The following SDCCAG8 variants were observed in gnomAD, a reference collection of about 807,000 sequenced individuals.
The protein encoded by SDCCAG8 is serologically defined colon cancer antigen 8.
SDCCAG8 carries 74 observed loss-of-function variants against 101.8 expected under a neutral mutation model. The observed-to-expected ratio is 0.73, with a 90% CI of 0.60 to 0.88. SDCCAG8 has a LOEUF of 0.88. Among genes scored for constraint, SDCCAG8 ranks in the 40% least tolerant of loss-of-function variants. The pLI, the probability that SDCCAG8 is intolerant of heterozygous loss-of-function variation, is 0.00. For synonymous variants in SDCCAG8, 281 were observed against 292.9 expected (o/e 0.96, Z 0.41); for missense variants, 787 against 822.6 (o/e 0.96, Z 0.53).
intron 16 of SDCCAG8, among the ~76,000 whole-genome samples, chr1:243,459,528 A>G (rs1658607111): frequency 6.6e-6 from 1 of 152,156 alleles, no homozygotes; most frequent in Admixed American, 6.5e-5. Context: ...GGTGGAAATA[A>G]TTGTACCTAA....
intron 7 of SDCCAG8, chr1:243,307,317 T>C: frequency 1.4e-6 from 1 of 693,278 alleles, no homozygotes; most frequent in East Asian, 1.4e-4. Context: ...GCAGCCTGTA[T>C]GTTTCCAGCT....
chr1:243,335,563 T>C (rs944534618), intron 10 of SDCCAG8, among the ~76,000 whole-genome samples: 1 of 152,222 alleles, frequency 6.6e-6, no homozygotes, highest in Non-Finnish European at 1.5e-5. Context: ...ACCTCTCTTT[T>C]ACTGACAGTT....
intron 13 of SDCCAG8, among the ~76,000 whole-genome samples, chr1:243,410,571 T>G (rs2080102270): frequency 6.6e-6 from 1 of 152,168 alleles, no homozygotes; most frequent in East Asian, 1.9e-4. Context: ...AAAAGGTGAG[T>G]AGGAACATGG....
intron 16 of SDCCAG8, among the ~76,000 whole-genome samples, chr1:243,466,395 A>G (rs1038718839): frequency 6.6e-6 from 1 of 152,174 alleles, no homozygotes; most frequent in Non-Finnish European, 1.5e-5. Context: ...TGCCTCTGAG[A>G]TTCACTAGAG....
intron 4 of SDCCAG8, among the ~76,000 whole-genome samples, chr1:243,280,414 A>T (rs979536811): frequency 6.7e-6 from 1 of 150,086 alleles, no homozygotes; most frequent in Non-Finnish European, 1.5e-5. Context: ...TTCTCTGTTG[A>T]TTTTCTATTT....
intron 17 of SDCCAG8, among the ~76,000 whole-genome samples, chr1:243,496,685 G>C (rs929454958): frequency 5.3e-5 from 8 of 152,240 alleles, no homozygotes; most frequent in African/African-American, 7.2e-5. Context: ...CTTCTGGCTG[G>C]TTTGGGAACA....
At chr1:243,388,698 CAAAAA>C (rs11296139) in intron 13 of SDCCAG8, among the ~76,000 whole-genome samples, 3 of 134,330 alleles carry the variant, frequency 2.2e-5, no homozygotes, top group Non-Finnish European at 3.2e-5. Context: ...CCAGCTCTAC[CAAAAA>C]AAAAAAAAAA....
chr1:243,341,264 A>G (rs551219838), intron 11 of SDCCAG8, 91 bp downstream of exon 11: 53 of 1,451,290 alleles, frequency 3.7e-5, no homozygotes, highest in Non-Finnish European at 4.8e-5. Flanking sequence ...TACTGTTATC[A>G]GGAGGAAGTT....
chr1:243,398,767 A>G (rs2079181978), intron 13 of SDCCAG8, among the ~76,000 whole-genome samples: 1 of 152,232 alleles, frequency 6.6e-6, no homozygotes. Flanking sequence ...TCATATCACA[A>G]ATTAAATTGT....
chr1:243,303,161 C>T (rs2071710928), intron 6 of SDCCAG8, among the ~76,000 whole-genome samples: 1 of 152,114 alleles, frequency 6.6e-6, no homozygotes, highest in African/African-American at 2.4e-5. Context: ...GATGAGTGCT[C>T]CTGAACCAGT....
At chr1:243,257,502 G>C (rs2149243081) in intron 1 of SDCCAG8, among the ~76,000 whole-genome samples, 1 of 151,950 alleles carries the variant, frequency 6.6e-6, no homozygotes, top group East Asian at 1.9e-4. Flanking sequence ...AGATTACTAT[G>C]ATAGAAAGTA....
intron 13 of SDCCAG8, among the ~76,000 whole-genome samples, chr1:243,381,649 G>A (rs1201022123): frequency 1.3e-5 from 2 of 152,108 alleles, no homozygotes; most frequent in African/African-American, 4.8e-5. Flanking sequence ...ATGGGTGAGT[G>A]TAACATTCAC....
intron 16 of SDCCAG8, among the ~76,000 whole-genome samples, chr1:243,431,436 C>T (rs1307641751): frequency 6.6e-6 from 1 of 152,082 alleles, no homozygotes; most frequent in Non-Finnish European, 1.5e-5. Context: ...TTACTGAGAA[C>T]TAGGGAACAC....
chr1:243,317,029 T>G, intron 9 of SDCCAG8, 136 bp downstream of exon 9: 1 of 924,290 alleles, frequency 1.1e-6, no homozygotes, highest in Non-Finnish European at 1.6e-6. Flanking sequence ...CTGTTAATGT[T>G]GACTTTTCTG....
chr1:243,433,605 T>C (rs2081946682), intron 16 of SDCCAG8, among the ~76,000 whole-genome samples: 1 of 152,158 alleles, frequency 6.6e-6, no homozygotes, highest in South Asian at 2.1e-4. Context: ...TTAAAGTGTT[T>C]ATTTGTTTAA....
intron 4 of SDCCAG8, among the ~76,000 whole-genome samples, chr1:243,283,600 T>G (rs566251715): frequency 3.3e-5 from 5 of 151,988 alleles, no homozygotes; most frequent in Non-Finnish European, 7.4e-5. Context: ...TCAAAGGCAC[T>G]CTTCATGTCT....
At chr1:243,435,829 T>C (rs1163742732) in intron 16 of SDCCAG8, among the ~76,000 whole-genome samples, 3 of 152,168 alleles carry the variant, frequency 2.0e-5, no homozygotes, top group Non-Finnish European at 2.9e-5. Flanking sequence ...TCTATCTAGT[T>C]GCTTCTTTAC....
chr1:243,418,300 T>A (rs1024043642), intron 15 of SDCCAG8, among the ~76,000 whole-genome samples: 1 of 152,214 alleles, frequency 6.6e-6, no homozygotes, highest in Non-Finnish European at 1.5e-5. Flanking sequence ...GACATTTCAA[T>A]GTTTAGAATT....
intron 4 of SDCCAG8, among the ~76,000 whole-genome samples, chr1:243,275,960 T>C (rs1433196227): frequency 6.7e-6 from 1 of 149,848 alleles, no homozygotes; most frequent in Non-Finnish European, 1.5e-5. Context: ...GACTCCCTGG[T>C]TCAAGCTATT....
Sources: gnomAD v4.1 joint callset for allele counts (sites outside exome capture counted in the v4.1 genomes callset) on GRCh38, gnomAD v4.1.1 for gene constraint, MANE v1.5 for transcripts, NCBI Gene and HGNC (gene_info 2026-07-23, HGNC 2026-07-21) for gene names.